Variants in PHLPP1 observed in about 807,000 individuals in gnomAD.
The protein encoded by PHLPP1 is PH domain and leucine rich repeat protein phosphatase 1.
A neutral mutation model predicts 117.2 loss-of-function variants in PHLPP1; 42 were observed. The ratio of observed to expected loss-of-function variants is 0.36; its 90% confidence interval spans 0.28 to 0.46. The LOEUF is 0.46. Ranked by LOEUF, PHLPP1 falls within the 20% of genes least tolerant of loss-of-function variation. The probability of loss-of-function intolerance (pLI) is 1.00; values close to 1 mark genes in which losing one functional copy is unlikely to be tolerated. For missense variants in PHLPP1, 2,084 were observed against 2,241.9 expected (o/e 0.93, Z 1.42); for synonymous variants, 1,042 against 970.7 (o/e 1.07, Z -1.37).
intron 1 of PHLPP1, among the ~76,000 whole-genome samples, chr18:62,784,465 A>G (rs1285019429): frequency 6.6e-6 from 1 of 152,232 alleles, no homozygotes; most frequent in Non-Finnish European, 1.5e-5. Flanking sequence ...TTTTGTAGCC[A>G]TACCCATAAG....
chr18:62,739,524 G>A (rs987915670), intron 1 of PHLPP1, among the ~76,000 whole-genome samples: 1 of 152,124 alleles, frequency 6.6e-6, no homozygotes, highest in Non-Finnish European at 1.5e-5. Flanking sequence ...TGCTTTATTA[G>A]ATGTAAGTTA....
intron 4 of PHLPP1, among the ~76,000 whole-genome samples, chr18:62,869,237 G>C (rs1915841629): frequency 6.6e-6 from 1 of 152,114 alleles, no homozygotes; most frequent in African/African-American, 2.4e-5. Context: ...TAGTATGCCT[G>C]ATGTCTTTGA....
chr18:62,721,528 T>A (rs911161070), intron 1 of PHLPP1, among the ~76,000 whole-genome samples: 1 of 152,110 alleles, frequency 6.6e-6, no homozygotes, highest in Non-Finnish European at 1.5e-5. Flanking sequence ...TTAAATATCT[T>A]ATTTGCTTAA....
At chr18:62,916,923 T>G (rs1247155502) in intron 9 of PHLPP1, among the ~76,000 whole-genome samples, 1 of 150,534 alleles carries the variant, frequency 6.6e-6, no homozygotes, top group African/African-American at 2.4e-5. Context: ...CCAGCTAATT[T>G]TTGTATTTTT....
intron 1 of PHLPP1, among the ~76,000 whole-genome samples, chr18:62,741,436 G>C (rs1472608400): frequency 1.3e-5 from 2 of 152,120 alleles, no homozygotes; most frequent in East Asian, 1.9e-4. Flanking sequence ...TGCTTTGAAG[G>C]CTGGGGGAAA....
intron 4 of PHLPP1, among the ~76,000 whole-genome samples, chr18:62,892,192 G>A (rs1374525071): frequency 2.0e-5 from 3 of 147,242 alleles, no homozygotes; most frequent in Admixed American, 6.9e-5. Context: ...AGGTTCAAGC[G>A]ATTCTCCTGC....
At chr18:62,800,008 C>T (rs576850976) in intron 1 of PHLPP1, among the ~76,000 whole-genome samples, 1 of 152,232 alleles carries the variant, frequency 6.6e-6, no homozygotes, top group Admixed American at 6.5e-5. Flanking sequence ...TTAACCCACA[C>T]CCCAAAGGGA....
At chr18:62,935,413 C>T (rs1006936634) in intron 10 of PHLPP1, among the ~76,000 whole-genome samples, 94 of 152,084 alleles carry the variant, frequency 6.2e-4, no homozygotes, top group African/African-American at 1.9e-3. Context: ...TTAGATAGGA[C>T]GACTTAATAT....
At chr18:62,775,203 T>G (rs574835561) in intron 1 of PHLPP1, among the ~76,000 whole-genome samples, 64 of 152,238 alleles carry the variant, frequency 4.2e-4, no homozygotes, top group Non-Finnish European at 4.7e-4. Flanking sequence ...GTTCAAGCAA[T>G]TCTACTGCCT....
intron 1 of PHLPP1, among the ~76,000 whole-genome samples, chr18:62,752,929 CTAAA>C (rs1451548023): frequency 6.6e-6 from 1 of 152,060 alleles, no homozygotes; most frequent in Non-Finnish European, 1.5e-5. Context: ...TGGATGAAAA[CTAAA>C]TAAAAGTGGA....
At chr18:62,723,692 A>G (rs541970039) in intron 1 of PHLPP1, among the ~76,000 whole-genome samples, 2 of 152,276 alleles carry the variant, frequency 1.3e-5, no homozygotes, top group African/African-American at 4.8e-5. Flanking sequence ...GGTTGGGTCA[A>G]AGTCACTCTC....
intron 9 of PHLPP1, among the ~76,000 whole-genome samples, chr18:62,916,747 C>T (rs368596689): frequency 1.6e-3 from 115 of 71,050 alleles, no homozygotes; most frequent in East Asian, 2.7e-3. Flanking sequence ...TCCTTCTATT[C>T]TTTTTTTTTT....
At chr18:62,794,269 T>C (rs1913556391) in intron 1 of PHLPP1, among the ~76,000 whole-genome samples, 1 of 152,200 alleles carries the variant, frequency 6.6e-6, no homozygotes, top group African/African-American at 2.4e-5. Flanking sequence ...TCTAAGTCCC[T>C]CTCTAGAACA....
chr18:62,961,715 A>G (rs1344749573), intron 13 of PHLPP1, among the ~76,000 whole-genome samples: 1 of 152,166 alleles, frequency 6.6e-6, no homozygotes, highest in Non-Finnish European at 1.5e-5. Context: ...TATTTATAGA[A>G]TTGAAAACTT....
chr18:62,765,505 A>G (rs1188593927), intron 1 of PHLPP1, among the ~76,000 whole-genome samples: 1 of 152,216 alleles, frequency 6.6e-6, no homozygotes, highest in Non-Finnish European at 1.5e-5. Context: ...TGGCTCTATA[A>G]GCCATTTGCT....
At chr18:62,803,901 G>T (rs1170677747) in intron 1 of PHLPP1, among the ~76,000 whole-genome samples, 4 of 152,062 alleles carry the variant, frequency 2.6e-5, no homozygotes, top group Non-Finnish European at 5.9e-5. Context: ...TATAGTTTGG[G>T]CTCATTGTGA....
At chr18:62,776,725 TCAG>T (rs1283572354) in intron 1 of PHLPP1, among the ~76,000 whole-genome samples, 1 of 151,516 alleles carries the variant, frequency 6.6e-6, no homozygotes, top group Non-Finnish European at 1.5e-5. Flanking sequence ...TTCTCCTGCC[TCAG>T]CCTCCCAAGT....
rs774225759 is a variant in PHLPP1, at chr18:62,900,433, C to CTTTTTTTTTTTTTTTTTTTTTTT, written c.2445-2525_2445-2503dup. ...GTATTCTTGTTTTTTCTTTTTCTTT[C>CTTTTTTTTTTTTTTTTTTTTTTT]TTTTTTTTTTTTTTTTTTTTTTTTT... On this transcript the variant is annotated intron_variant, in intron 6 of 16. Transcript: ENST00000262719. Among the ~76,000 whole-genome samples the CTTTTTTTTTTTTTTTTTTTTTTT allele has an allele frequency of 5.3e-4, 29 of 54,258 alleles. 13 individuals carry two copies. Among genetic ancestry groups the CTTTTTTTTTTTTTTTTTTTTTTT allele is most frequent in the African/African-American group, 9.0e-4 (11 of 12,284 alleles). The allele number at this position is 54,258 out of a possible 152,430, so 35.6% of individuals were successfully genotyped here.
At chr18:62,918,429 A>AATATATATATACATAT (rs1555681791) in intron 9 of PHLPP1, among the ~76,000 whole-genome samples, 35 of 140,504 alleles carry the variant, frequency 2.5e-4, no homozygotes, top group African/African-American at 8.6e-4. Flanking sequence ...GTAAAGGATA[A>AATATATATATACATAT]ATATATATAT....
Sources: gnomAD v4.1 joint callset for allele counts (sites outside exome capture counted in the v4.1 genomes callset) on GRCh38, gnomAD v4.1.1 for gene constraint, MANE v1.5 for transcripts, NCBI Gene and HGNC (gene_info 2026-07-23, HGNC 2026-07-21) for gene names.